SLC22A4: variants seen among roughly 807,000 people sequenced by gnomAD.
The protein encoded by SLC22A4 is solute carrier family 22 member 4.
SLC22A4 carries 39 observed loss-of-function variants against 56.6 expected under a neutral mutation model. The ratio of observed to expected loss-of-function variants is 0.69; its 90% confidence interval spans 0.53 to 0.90. SLC22A4 has a LOEUF of 0.90. Among genes scored for constraint, SLC22A4 ranks in the 40% least tolerant of loss-of-function variants. The pLI is 0.00. For synonymous variants in SLC22A4, 241 were observed against 281.4 expected, an observed-to-expected ratio of 0.86 and a Z score of 1.44; for missense variants, 594 against 696.5, an observed-to-expected ratio of 0.85 and a Z score of 1.66.
intron 1 of SLC22A4, among the ~76,000 whole-genome samples, chr5:132,297,167 A>G (rs1373305960): frequency 6.6e-6 from 1 of 152,028 alleles, no homozygotes; most frequent in Non-Finnish European, 1.5e-5. Context: ...AAAATACAAA[A>G]ATTAGCTGGG....
At chr5:132,325,663 CTAAG>C (rs1358099573) in intron 4 of SLC22A4, among the ~76,000 whole-genome samples, 1 of 152,160 alleles carries the variant, frequency 6.6e-6, no homozygotes, top group Non-Finnish European at 1.5e-5. Context: ...GTTGTCTAGG[CTAAG>C]TAAGTACAGA....
At chr5:132,295,070 C>A in intron 1 of SLC22A4, 61 bp downstream of exon 1, 1 of 1,538,156 alleles carries the variant, frequency 6.5e-7, no homozygotes, top group Non-Finnish European at 8.8e-7. Flanking sequence ...GCGTCAGCCC[C>A]CCTTGAGACT....
rs10570522 is a variant in SLC22A4 at position 132,307,144 on chromosome 5, TTAAC to T, written c.394-5014_394-5011del. 4.0e-3 allele frequency among the ~76,000 whole-genome samples: 608 copies of T among 152,336 alleles called. 3 individuals are homozygous for T. The highest frequency in any genetic ancestry group is 0.012 in the African/African-American group (484 of 41,554). On this transcript the variant is annotated intron_variant, in intron 1 of 9. Transcript: ENST00000200652. ...CAATAAAGTTGTTACAAAAAAGTAA[TTAAC>T]TAGCCATGTTTGTTTTTGTTTTTCT... is the stretch of plus-strand genomic sequence containing the variant.
At chr5:132,328,210 C>T (rs545729456) in intron 5 of SLC22A4, among the ~76,000 whole-genome samples, 2 of 152,306 alleles carry the variant, frequency 1.3e-5, no homozygotes, top group South Asian at 4.1e-4. Context: ...GACAGCAGGA[C>T]TCACTTAAAT....
chr5:132,331,959 A>G (rs1750870782), intron 6 of SLC22A4, 109 bp downstream of exon 6: 4 of 764,706 alleles, frequency 5.2e-6, no homozygotes, highest in Non-Finnish European at 4.7e-6. Context: ...CTGAGGAAAA[A>G]TTAAGATTAT....
intron 1 of SLC22A4, among the ~76,000 whole-genome samples, chr5:132,308,302 C>T (rs1303033038): frequency 1.4e-5 from 2 of 143,774 alleles, no homozygotes; most frequent in African/African-American, 5.1e-5. Flanking sequence ...CCATGTCTTT[C>T]TTGTGCCCTA....
chr5:132,322,384 C>A lies in SLC22A4; in HGVS notation c.824+29C>A, dbSNP rs543538226. ...AGTGTGACTCGTCCCCAGACAGGCC[C>A]TCTGCTGCGGGTCAGCACACCTGGA... On this transcript the variant is annotated intron_variant, in intron 4 of 9. Coordinates refer to ENST00000200652, the MANE Select transcript of SLC22A4 (RefSeq NM_003059.3). The A allele has an allele frequency of 1.5e-4, 235 of 1,609,176 alleles. 2 individuals are homozygous for A. The South Asian group carries it at 2.5e-3, about 17-fold the overall frequency.
rs2126749347 is a variant in SLC22A4, at chr5:132,343,885, T to C, written c.*50T>C. 1 of 1,198,124 alleles carries C rather than the reference T, an allele frequency of 8.3e-7. No individual in the cohort carries two copies. Among genetic ancestry groups the C allele is most frequent in the East Asian group, 2.3e-5 (1 of 42,798 alleles). The allele number at this position is 1,198,124 out of a possible 1,614,324, so 74.2% of individuals were successfully genotyped here. On this transcript the variant is annotated 3_prime_UTR_variant, in exon 10 of 10. Coordinates refer to ENST00000200652, the MANE Select transcript of SLC22A4 (RefSeq NM_003059.3). ...AGTGAAAAACAGAAAAATAAGACCC[T>C]GTGGAGAAATTCGTTGTTCCCACTG... is the stretch of plus-strand genomic sequence containing the variant.
chr5:132,335,702 A>G (rs1201546936), intron 7 of SLC22A4, 116 bp from the exon 8 acceptor site: 2 of 866,350 alleles, frequency 2.3e-6, no homozygotes, highest in Non-Finnish European at 3.9e-6. Context: ...TATTTTGGGA[A>G]TATATTTATG....
At chr5:132,297,229 A>C (rs574960295) in intron 1 of SLC22A4, among the ~76,000 whole-genome samples, 26 of 152,240 alleles carry the variant, frequency 1.7e-4, no homozygotes, top group African/African-American at 6.3e-4. Context: ...AAGGCAGGAG[A>C]ATCACTTCAA....
At chr5:132,334,591 A>T (rs1750964554) in intron 6 of SLC22A4, 127 bp from the exon 7 acceptor site, 1 of 770,558 alleles carries the variant, frequency 1.3e-6, no homozygotes, top group Admixed American at 1.8e-5. Context: ...TAATTTATTC[A>T]AATTTAAGTA....
chr5:132,337,778 C>G (rs966610244), intron 8 of SLC22A4, among the ~76,000 whole-genome samples: 2 of 151,442 alleles, frequency 1.3e-5, no homozygotes, highest in Admixed American at 1.3e-4. Flanking sequence ...CTCTGTCACC[C>G]AGGCTGGAGT....
At chr5:132,322,155 T>C (rs772268262) in intron 3 of SLC22A4, 29 bp from the exon 4 acceptor site, 10 of 1,597,736 alleles carry the variant, frequency 6.3e-6, no homozygotes, top group Non-Finnish European at 8.6e-6. Context: ...TGAGTTAATA[T>C]GCTAATACTC....
rs150135214 is a variant in SLC22A4, at chr5:132,296,212, G to A, written c.393+1203G>A. 4.4e-4 allele frequency among the ~76,000 whole-genome samples: 67 copies of A among 152,364 alleles called. 1 individual carries two copies. In the East Asian group the frequency reaches 0.011, roughly 25 times the overall value. On this transcript the variant is annotated intron_variant, in intron 1 of 9. Transcript: ENST00000200652. The stretch of plus-strand genomic sequence containing the variant: ...GATTCTGAAAATGTGAGCAAGACCT[G>A]TCTAGGCAAGAGTATGGGAAATTCA...
intron 3 of SLC22A4, among the ~76,000 whole-genome samples, chr5:132,321,628 C>T (rs1397979440): frequency 6.6e-6 from 1 of 152,162 alleles, no homozygotes; most frequent in East Asian, 1.9e-4. Flanking sequence ...AATAAGTTGG[C>T]CAGGCGCGGT....
intron 8 of SLC22A4, among the ~76,000 whole-genome samples, chr5:132,337,097 G>A (rs534056976): frequency 2.3e-4 from 35 of 149,950 alleles, no homozygotes; most frequent in African/African-American, 7.9e-4. Flanking sequence ...ATTTACTTAC[G>A]TATATTTGGA....
At chr5:132,340,812 TC>T (rs1751195599) in intron 9 of SLC22A4, 112 bp downstream of exon 9, 1 of 1,095,308 alleles carries the variant, frequency 9.1e-7, no homozygotes, top group East Asian at 2.4e-5. Context: ...ACTAGCTCTA[TC>T]AGATAATAAA....
At chr5:132,336,067 T>A in intron 8 of SLC22A4, 67 bp downstream of exon 8, 1 of 1,493,378 alleles carries the variant, frequency 6.7e-7, no homozygotes, top group Non-Finnish European at 9.3e-7. Context: ...AAGATTTTCA[T>A]TGTGAAAATG....
rs771527346 is a variant in SLC22A4, at chr5:132,327,304, G to T, written c.852G>T (p.Leu284=). ...WWFIPESPRW[L]ISQRRFREAE... is the part of the protein sequence containing the mutation. ...TCATTCCTGAATCTCCCCGATGGCTGATATCCCAGAGAAGATTTAGAGAGG... is the reference window on the plus strand; with the variant it reads ...TCATTCCTGAATCTCCCCGATGGCTTATATCCCAGAGAAGATTTAGAGAGG... The change falls in exon 5 of 10, where the codon CTG becomes CTT. Residue 284 remains leucine (L), a synonymous_variant. Transcript: ENST00000200652. 6.2e-7 allele frequency: 1 copy of T among 1,606,150 alleles called. No homozygotes were observed. Among genetic ancestry groups the T allele is most frequent in the Non-Finnish European group, 8.5e-7 (1 of 1,173,456 alleles).
Sources: allele counts gnomAD v4.1 joint callset (sites outside exome capture counted in the v4.1 genomes callset), GRCh38; gene constraint gnomAD v4.1.1; transcripts MANE v1.5; gene names NCBI Gene and HGNC (gene_info 2026-07-23, HGNC 2026-07-21).